Variants in INPP5E observed in about 807,000 individuals in gnomAD.
INPP5E encodes phosphatidylinositol polyphosphate 5-phosphatase type IV.
A neutral mutation model predicts 50.5 loss-of-function variants in INPP5E; 34 were observed. That is an observed-to-expected ratio of 0.67 (90% CI 0.51 to 0.90). The LOEUF is 0.90. Among genes scored for constraint, INPP5E ranks in the 40% least tolerant of loss-of-function variants. INPP5E has a pLI of 0.00. For missense variants in INPP5E, 942 were observed against 905.5 expected (o/e 1.04, Z -0.52); for synonymous variants, 447 against 406.0 (o/e 1.10, Z -1.21).
rs771906486 is a variant in INPP5E, at chr9:136,434,033, C to G, written c.1034+4G>C. On this transcript the variant is annotated splice_donor_region_variant and intron_variant, in intron 3 of 9. Coordinates refer to ENST00000371712, the MANE Select transcript of INPP5E (RefSeq NM_019892.6). Reference sequence around the variant, plus strand: ...AGGCACTGCAGGGCCTGCAGCCGCCCTACCTGTCAGAACAGCCCTCCTGGA... The same window carrying G: ...AGGCACTGCAGGGCCTGCAGCCGCCGTACCTGTCAGAACAGCCCTCCTGGA... 2.4e-5 allele frequency: 39 copies of G among 1,603,836 alleles called. No individual in the cohort carries two copies. Among genetic ancestry groups the G allele is most frequent in the Non-Finnish European group, 3.1e-5 (37 of 1,176,472 alleles).
chr9:136,430,283 C>A lies in INPP5E; in HGVS notation c.1796G>T (p.Arg599Leu), dbSNP rs750836133. 3 of 1,551,392 alleles carry A rather than the reference C, an allele frequency of 1.9e-6. No individual in the cohort carries two copies. The highest frequency in any genetic ancestry group is 2.4e-5 in the South Asian group (2 of 84,070). ...GLFRVKVRPGRDNIPLAAGKF... is the reference protein window; with the variant it reads ...GLFRVKVRPGLDNIPLAAGKF... ...TGAGCGGGAGAACACTGACTTGTCT[C>A]GCCCCGGCCTCACTTTCACCCGGAA... Residue 599 changes from arginine to leucine, a missense_variant, in exon 9 of 10, where the codon CGA (arginine) becomes CTA (leucine). Transcript: ENST00000371712.
chr9:136,437,652 A>G (rs1835858617), intron 1 of INPP5E: 1 of 152,388 alleles, frequency 6.6e-6, no homozygotes, highest in South Asian at 2.1e-4. Flanking sequence ...GTCTGTGGTC[A>G]TGAGTTACAA....
chr9:136,434,085 T>C lies in INPP5E; in HGVS notation c.986A>G (p.Tyr329Cys), dbSNP rs372066816. 6.8e-6 allele frequency: 11 copies of C among 1,611,130 alleles called. No individual in the cohort carries two copies. Among genetic ancestry groups the C allele is most frequent in the Admixed American group, 1.7e-5 (1 of 59,900 alleles). The change falls in exon 3 of 10, where the codon TAT becomes TGT. Residue 329 changes from tyrosine (Y) to cysteine (C), a missense_variant. Physicochemically the swap from Tyr to Cys is radical, Grantham distance 194. Coordinates refer to ENST00000371712, the MANE Select transcript of INPP5E (RefSeq NM_019892.6). Reference protein sequence around the residue: ...DEFLLPAEADYAQDLYVIGVQ... With the variant: ...DEFLLPAEADCAQDLYVIGVQ... ...CCCGATGACATACAGGTCCTGGGCA[T>C]AGTCGGCCTCGGCTGGGAGCAGGAA...
chr9:136,430,356 A>T lies in INPP5E; in HGVS notation c.1723T>A (p.Ser575Thr). The change falls in exon 9 of 10, where the codon TCC becomes ACC. Residue 575 changes from serine to threonine, a missense_variant. By Grantham distance (58) the Ser-to-Thr change is moderately conservative. Transcript: ENST00000371712. Reference protein sequence around the residue: ...KGDICPVSYSSCPGIKTSDHR... With the variant: ...KGDICPVSYSTCPGIKTSDHR... Reference sequence around the variant, plus strand: ...TCGGACGTCTTGATCCCGGGGCAGGAAGAGTAGCTCACAGGACAGATGTCA... The same window carrying T: ...TCGGACGTCTTGATCCCGGGGCAGGTAGAGTAGCTCACAGGACAGATGTCA... The T allele has an allele frequency of 1.9e-6, 3 of 1,555,292 alleles. No individual in the cohort carries two copies. Among genetic ancestry groups the T allele is most frequent in the Non-Finnish European group, 2.6e-6 (3 of 1,148,520 alleles).
At chr9:136,430,624 C>T (rs894828958) in intron 8 of INPP5E, among the ~76,000 whole-genome samples, 1 of 152,234 alleles carries the variant, frequency 6.6e-6, no homozygotes, top group South Asian at 2.1e-4. Context: ...ACAGCGGCTG[C>T]TCCTACCCTG....
chr9:136,431,042 G>C lies in INPP5E; in HGVS notation c.1625C>G (p.Thr542Arg). Reference protein sequence around the residue: ...PSYKFDIGKDTYDSTSKQRTP... With the variant: ...PSYKFDIGKDRYDSTSKQRTP... The stretch of plus-strand genomic sequence containing the variant: ...CCTCTGCTTGGAGGTGCTGTCGTAC[G>C]TGTCCTTCCCGATGTCAAACTTGTA... Residue 542 changes from threonine to arginine, a missense_variant, in exon 8 of 10, where the codon ACG becomes AGG. Coordinates refer to ENST00000371712, the MANE Select transcript of INPP5E (RefSeq NM_019892.6). 2 of 1,613,248 alleles carry C rather than the reference G, an allele frequency of 1.2e-6. No homozygotes were observed. The highest frequency in any genetic ancestry group is 1.7e-6 in the Non-Finnish European group (2 of 1,179,646).
Position 136,439,695 on chromosome 9 carries a change from T to G in INPP5E, c.-276A>C. On this transcript the variant is annotated 5_prime_UTR_variant, in exon 1 of 10. Coordinates refer to ENST00000371712, the MANE Select transcript of INPP5E (RefSeq NM_019892.6). The stretch of plus-strand genomic sequence containing the variant: ...GCTGGGCGCCTGTCGCGGGGGAGGT[T>G]CGACCCCGACGGGGACGCCGCTCGG... 1 of 309,798 alleles carries G rather than the reference T, an allele frequency of 3.2e-6. No individual in the cohort carries two copies. The highest frequency in any genetic ancestry group is 5.9e-6 in the Non-Finnish European group (1 of 169,626). 19.2% of individuals were successfully genotyped at this position (309,798 alleles called of 1,614,324 possible). A position where few individuals can be genotyped will look rare whatever the true frequency, so the allele number is the denominator to read the frequency against.
rs13297509 is a variant in INPP5E, at chr9:136,431,830, G to A, written c.1543C>T (p.Arg515Trp). Residue 515 changes from arginine to tryptophan, a missense_variant, in exon 7 of 10, where the codon CGG becomes TGG. Physicochemically the swap from Arg to Trp is moderately radical, Grantham distance 101. Transcript: ENST00000371712. ...CGCCCCCCCAGGCCCTCACCTTTCC[G>A]CATCTCCCGGATGAGCTGGTCGTGC... is the stretch of plus-strand genomic sequence containing the variant. ...LQHDQLIREM[R>W]KGSIFKGFQE... 19 of 1,524,546 alleles carry A rather than the reference G, an allele frequency of 1.2e-5. No homozygotes were observed. Among genetic ancestry groups the A allele is most frequent in the African/African-American group, 3.1e-5 (2 of 63,768 alleles). 94.4% of individuals were successfully genotyped at this position (1,524,546 alleles called of 1,614,324 possible). A position where few individuals can be genotyped will look rare whatever the true frequency, so the allele number is the denominator to read the frequency against.
Position 136,433,228 on chromosome 9 carries a change from C to T in INPP5E, c.1086G>A (p.Leu362=), listed in dbSNP as rs1227611609. 21 of 1,598,524 alleles carry T rather than the reference C, an allele frequency of 1.3e-5. No individual in the cohort carries two copies. Among genetic ancestry groups the T allele is most frequent in the Non-Finnish European group, 1.6e-5 (19 of 1,178,918 alleles). Residue 362 remains leucine (L), a synonymous_variant, in exon 4 of 10, where the codon CTG becomes CTA. Coordinates refer to ENST00000371712, the MANE Select transcript of INPP5E (RefSeq NM_019892.6). ...LQETLGPHYV[L]LSSAAHGVLY... is the part of the protein sequence containing the mutation. Reference sequence around the variant, plus strand: ...GCACGCCGTGGGCCGCCGAGGACAGCAGCACATAGTGCGGGCCCAGCGTCT... The same window carrying T: ...GCACGCCGTGGGCCGCCGAGGACAGTAGCACATAGTGCGGGCCCAGCGTCT...
intron 7 of INPP5E, 90 bp from the exon 8 acceptor site, chr9:136,431,207 G>GCCCCCCCCCCCCCCCCCCCCCCCCCCC: frequency 4.4e-6 from 3 of 683,526 alleles, no homozygotes; most frequent in Admixed American, 2.4e-5. Context: ...CTCCCACCAC[G>GCCCCCCCCCCCCCCCCCCCCCCCCCCC]CCCACCCTCC....
chr9:136,433,942 G>T, intron 3 of INPP5E, 95 bp downstream of exon 3: 1 of 991,154 alleles, frequency 1.0e-6, no homozygotes, highest in South Asian at 1.4e-5. Context: ...AGGCACTGCA[G>T]ACCCGTGCCC....
intron 6 of INPP5E, among the ~76,000 whole-genome samples, 193 bp downstream of exon 6, chr9:136,432,286 G>A (rs115948846): frequency 0.027 from 4,043 of 152,286 alleles, 77 homozygotes; most frequent in Middle Eastern, 0.095. Flanking sequence ...GGGCCACGCC[G>A]AGTGGACAGG....
At chr9:136,435,603 C>G (rs1233966527) in intron 1 of INPP5E, 1 of 152,550 alleles carries the variant, frequency 6.6e-6, no homozygotes, top group African/African-American at 2.4e-5. Context: ...GCGGTGCACA[C>G]AGATGGTTAA....
rs1218581500 is a variant in INPP5E, at chr9:136,438,921, T to C, written c.499A>G (p.Ser167Gly). ...TCTCTGTGCGGGAGGTTCGGGGAGC[T>C]GCTGGCCACCCCAGAGAGAGGGTTA... is the stretch of plus-strand genomic sequence containing the variant. ...GGNPLSGVAS[S>G]SPNLPHRDAA... Residue 167 changes from serine (S) to glycine (G), a missense_variant, in exon 1 of 10, where the codon AGC (serine) becomes GGC (glycine). Transcript: ENST00000371712. The C allele has an allele frequency of 2.5e-6, 4 of 1,573,092 alleles. No individual in the cohort carries two copies.
rs1293467869 is a variant in INPP5E, at chr9:136,432,014, C to A, written c.1388-29G>T. 8 of 1,612,494 alleles carry A rather than the reference C, an allele frequency of 5.0e-6. No homozygotes were observed. In the East Asian group the frequency reaches 1.3e-4, roughly 27 times the overall value. On this transcript the variant is annotated intron_variant, in intron 6 of 9. Transcript: ENST00000371712. ...CGGCACAGTGGGCCATGTGTGGGCA[C>A]AGGCAGAGGGACGGCAGGTCCTTCC...
Position 136,429,713 on chromosome 9 carries a change from G to T in INPP5E, c.1897C>A (p.Gln633Lys). ...CAGATGGTGCTGGAGTTCTGACTCT[G>T]TAGTGCTTGCTGCCTCTGAATCTCC... ...SKEIQRQQALQSQNSSTICSV... is the reference protein window; with the variant it reads ...SKEIQRQQALKSQNSSTICSV... The change falls in exon 10 of 10, where the codon CAG becomes AAG. Residue 633 changes from glutamine to lysine, a missense_variant. By Grantham distance (53) the Gln-to-Lys change is moderately conservative. Coordinates refer to ENST00000371712, the MANE Select transcript of INPP5E (RefSeq NM_019892.6). The T allele has an allele frequency of 6.2e-7, 1 of 1,614,094 alleles. No homozygotes were observed. Among genetic ancestry groups the T allele is most frequent in the Non-Finnish European group, 8.5e-7 (1 of 1,180,018 alleles).
intron 9 of INPP5E, among the ~76,000 whole-genome samples, chr9:136,430,036 T>C (rs1835662430): frequency 6.6e-6 from 1 of 150,714 alleles, no homozygotes; most frequent in Non-Finnish European, 1.5e-5. Context: ...CTTAAGGCCT[T>C]CGTCCCTCCA....
chr9:136,434,155 G>T (rs1327390837), intron 2 of INPP5E, 21 bp from the exon 3 acceptor site: 17 of 1,573,438 alleles, frequency 1.1e-5, no homozygotes, highest in Non-Finnish European at 1.5e-5. Flanking sequence ...GGAGCATGTG[G>T]TGGGCCGGCT....
chr9:136,434,588 A>G (rs1282624980), intron 2 of INPP5E, 152 bp downstream of exon 2: 4 of 1,072,810 alleles, frequency 3.7e-6, no homozygotes, highest in Admixed American at 2.2e-5. Flanking sequence ...ACCCACTCTC[A>G]CCCTCCTGTA....
Sources: gnomAD v4.1 joint callset for allele counts (sites outside exome capture counted in the v4.1 genomes callset) on GRCh38, gnomAD v4.1.1 for gene constraint, MANE v1.5 for transcripts, NCBI Gene and HGNC (gene_info 2026-07-23, HGNC 2026-07-21) for gene names.